The following SEMA5A variants were observed in gnomAD, a reference collection of about 807,000 sequenced individuals.
SEMA5A encodes semaphorin-5A.
Under a neutral mutation model 135.5 loss-of-function variants are expected in SEMA5A, and 55 were observed. The observed-to-expected ratio is 0.41, with a 90% CI of 0.33 to 0.51. The LOEUF is 0.51. Among genes scored for constraint, SEMA5A ranks in the 20% least tolerant of loss-of-function variants. SEMA5A has a pLI of 0.37. For synonymous variants in SEMA5A, 580 were observed against 546.5 expected (o/e 1.06, Z -0.85); for missense variants, 1,290 against 1,419.9 (o/e 0.91, Z 1.47).
At chr5:9,185,896 G>A (rs933575030) in intron 11 of SEMA5A, among the ~76,000 whole-genome samples, 1 of 152,210 alleles carries the variant, frequency 6.6e-6, no homozygotes, top group African/African-American at 2.4e-5. Flanking sequence ...GCAGCCACAT[G>A]TCTGGACCAG....
chr5:9,493,160 G>T (rs549887637), intron 1 of SEMA5A, among the ~76,000 whole-genome samples: 2 of 151,848 alleles, frequency 1.3e-5, no homozygotes, highest in African/African-American at 4.8e-5. Context: ...CAATTTTGCT[G>T]TTAACCTAAA....
chr5:9,367,489 A>T (rs1028564516), intron 3 of SEMA5A: 1 of 152,246 alleles, frequency 6.6e-6, no homozygotes, highest in African/African-American at 2.4e-5. Flanking sequence ...AATATCTATT[A>T]TTCCAAAAAG....
intron 12 of SEMA5A, among the ~76,000 whole-genome samples, chr5:9,151,125 C>A (rs7723025): frequency 0.15 from 22,546 of 152,176 alleles, 1,723 homozygotes; most frequent in South Asian, 0.29. Context: ...TCAGGATTGA[C>A]ATAATAATCC....
intron 11 of SEMA5A, among the ~76,000 whole-genome samples, chr5:9,185,367 T>G (rs1560998957): frequency 6.6e-6 from 1 of 152,358 alleles, no homozygotes; most frequent in East Asian, 1.9e-4. Context: ...AACCTCTATA[T>G]GAATGTTTCC....
At position 9,039,865 on chromosome 5, in the gene SEMA5A, G is replaced by A. The variant is rs1188095717; in HGVS notation, c.*3032C>T. The A allele has an allele frequency of 1.3e-5, 2 of 152,234 alleles. No homozygotes were observed. Among genetic ancestry groups the A allele is most frequent in the African/African-American group, 2.4e-5 (1 of 41,458 alleles). The allele number at this position is 152,234 out of a possible 1,614,324, so 9.4% of individuals were successfully genotyped here. A position where few individuals can be genotyped will look rare whatever the true frequency, so the allele number is the denominator to read the frequency against. On this transcript the variant is annotated 3_prime_UTR_variant, in exon 23 of 23. Transcript: ENST00000382496. ...ATGTTGTGTAGTGTGCAGAAATTCT[G>A]TTCTTCTCCTTCCTGTAAACTGTCA...
In SEMA5A at chr5:9,202,168, T is replaced by C. The variant is rs780631581; in HGVS notation, c.719A>G (p.His240Arg). Reference protein sequence around the residue: ...YFFFRENAVEHDCGKTVFSRA... With the variant: ...YFFFRENAVERDCGKTVFSRA... ...GGAGAACACTGTTTTCCCACAGTCATGCTCTACTGCATTTTCTCGGAAAAA... is the reference window on the plus strand; with the variant it reads ...GGAGAACACTGTTTTCCCACAGTCACGCTCTACTGCATTTTCTCGGAAAAA... The change falls in exon 9 of 23, where the codon CAT becomes CGT. Residue 240 changes from histidine (H) to arginine (R), a missense_variant. This residue lies in a region of SEMA5A where 145 missense variants were observed against 212.0 expected (regional missense o/e 0.68). Transcript: ENST00000382496. The C allele has an allele frequency of 1.2e-6, 2 of 1,614,050 alleles. No homozygotes were observed. Among genetic ancestry groups the C allele is most frequent in the Admixed American group, 1.7e-5 (1 of 60,004 alleles).
At chr5:9,439,472 G>A (rs547295690) in intron 1 of SEMA5A, among the ~76,000 whole-genome samples, 4 of 152,112 alleles carry the variant, frequency 2.6e-5, no homozygotes, top group African/African-American at 4.8e-5. Flanking sequence ...TCTGGTTACC[G>A]CCATGAATAG....
At chr5:9,484,573 T>C (rs1760004822) in intron 1 of SEMA5A, among the ~76,000 whole-genome samples, 1 of 152,248 alleles carries the variant, frequency 6.6e-6, no homozygotes, top group Non-Finnish European at 1.5e-5. Flanking sequence ...CTGTAGAGTT[T>C]ATGGTAGCAC....
At chr5:9,492,291 T>C (rs1216366534) in intron 1 of SEMA5A, among the ~76,000 whole-genome samples, 1 of 152,222 alleles carries the variant, frequency 6.6e-6, no homozygotes, top group Admixed American at 6.5e-5. Context: ...TAAAGTGTTA[T>C]TGCACCTTTT....
intron 4 of SEMA5A, among the ~76,000 whole-genome samples, chr5:9,320,071 G>T (rs1433495043): frequency 1.3e-5 from 2 of 152,158 alleles, no homozygotes; most frequent in East Asian, 1.9e-4. Context: ...TCCAGGCATT[G>T]CCTCCTGGGC....
chr5:9,169,712 A>G (rs991422748), intron 11 of SEMA5A, among the ~76,000 whole-genome samples: 3 of 152,160 alleles, frequency 2.0e-5, no homozygotes, highest in South Asian at 2.1e-4. Context: ...GTCAGGACTG[A>G]CTATTCCTTC....
intron 18 of SEMA5A, among the ~76,000 whole-genome samples, chr5:9,060,343 T>C (rs905261546): frequency 6.6e-6 from 1 of 152,184 alleles, no homozygotes; most frequent in Admixed American, 6.5e-5. Flanking sequence ...GGTGACCCTT[T>C]GTACTTGTGC....
intron 16 of SEMA5A, among the ~76,000 whole-genome samples, chr5:9,074,334 TATG>T (rs368223261): frequency 2.6e-4 from 39 of 152,194 alleles, no homozygotes; most frequent in African/African-American, 9.4e-4. Context: ...TTGTTCCATC[TATG>T]ATAATTGATG....
Position 9,142,941 on chromosome 5 carries a change from G to A in SEMA5A, c.1482-6320C>T, listed in dbSNP as rs565965967. Among the ~76,000 whole-genome samples the A allele has an allele frequency of 1.3e-4, 19 of 149,822 alleles. No individual in the cohort carries two copies. The South Asian group carries it at 4.0e-3, about 32-fold the overall frequency. ...CACTCCAGCCTGGGTGACAGAGTGA[G>A]AATCCATCTCAGACAAACAAACAAA... On this transcript the variant is annotated intron_variant, in intron 12 of 22. Coordinates refer to ENST00000382496, the MANE Select transcript of SEMA5A (RefSeq NM_003966.3).
intron 22 of SEMA5A, among the ~76,000 whole-genome samples, chr5:9,043,776 T>C (rs959890561): frequency 6.6e-6 from 1 of 152,212 alleles, no homozygotes; most frequent in Non-Finnish European, 1.5e-5. Context: ...TTTCTGATTA[T>C]CTTAAAAGTG....
At chr5:9,082,081 G>T (rs578166328) in intron 16 of SEMA5A, among the ~76,000 whole-genome samples, 1 of 152,304 alleles carries the variant, frequency 6.6e-6, no homozygotes, top group African/African-American at 2.4e-5. Flanking sequence ...TGCAAATGCT[G>T]CCAGGGAGAA....
intron 8 of SEMA5A, among the ~76,000 whole-genome samples, chr5:9,208,653 G>T (rs773890107): frequency 6.6e-6 from 1 of 152,134 alleles, no homozygotes; most frequent in African/African-American, 2.4e-5. Flanking sequence ...AGACCATAAG[G>T]CTGGCAAGGA....
chr5:9,353,015 T>G (rs1424464056), intron 3 of SEMA5A, among the ~76,000 whole-genome samples: 1 of 148,804 alleles, frequency 6.7e-6, no homozygotes, highest in African/African-American at 2.5e-5. Context: ...GCATAGTGTT[T>G]TAGAAATGAA....
intron 5 of SEMA5A, among the ~76,000 whole-genome samples, chr5:9,245,586 T>C (rs1248720486): frequency 2.6e-5 from 4 of 152,132 alleles, no homozygotes; most frequent in Non-Finnish European, 5.9e-5. Flanking sequence ...CTCAGTAAAT[T>C]GGCAGTACAA....
Sources: gnomAD v4.1 joint callset for allele counts (sites outside exome capture counted in the v4.1 genomes callset) on GRCh38, gnomAD v4.1.1 for gene constraint, gnomAD v4.1.1 regional missense constraint, MANE v1.5 for transcripts, NCBI Gene and HGNC (gene_info 2026-07-23, HGNC 2026-07-21) for gene names.